CENPI: variants seen among roughly 807,000 people sequenced by gnomAD.
CENPI encodes FSH primary response 1.
Under a neutral mutation model 60.4 loss-of-function variants are expected in CENPI, and 4 were observed. The ratio of observed to expected loss-of-function variants is 0.07; its 90% CI spans 0.03 to 0.15. The LOEUF is 0.15. Ranked by LOEUF, CENPI falls within the 10% of genes least tolerant of loss-of-function variation. The probability of loss-of-function intolerance (pLI) is 1.00; values close to 1 mark genes in which losing one functional copy is unlikely to be tolerated. For missense variants in CENPI, 444 were observed against 534.5 expected (o/e 0.83, Z 1.67); for synonymous variants, 157 against 189.4 (o/e 0.83, Z 1.40).
downstream of CENPI, among the ~76,000 whole-genome samples, chrX:101,168,546 C>T (rs900263831): frequency 1.1e-4 from 12 of 111,834 alleles, no homozygotes; most frequent in Admixed American, 1.1e-3. Context: ...GCCTGGGCAA[C>T]AGAGCAAGAC....
At chrX:101,171,497 C>A in the CENPI span, among the ~76,000 whole-genome samples, 1 of 111,514 alleles carries the variant, frequency 9.0e-6, no homozygotes, top group Non-Finnish European at 1.9e-5. Context: ...AGGGCAGTGG[C>A]GCAAACACGG....
chrX:101,140,089 G>C (rs994337617), intron 15 of CENPI, among the ~76,000 whole-genome samples: 2 of 111,841 alleles, frequency 1.8e-5, no homozygotes, highest in South Asian at 7.3e-4. Context: ...GCCCGCCTCG[G>C]CCTCCCAAAG....
At position 101,161,512 on chromosome X, in the gene CENPI, T is replaced by C; in HGVS notation, c.2095-16T>C. ...TTGTTTTGCTTTGTTTTGTTTTTTG[T>C]TTGTTTGTTTTTAAGGAAAGCCCAG... On this transcript the variant is annotated splice_polypyrimidine_tract_variant and intron_variant, in intron 20 of 21. Transcript: ENST00000682095. 1.7e-6 allele frequency: 2 copies of C among 1,204,770 alleles called. No homozygotes were observed. The highest frequency in any genetic ancestry group is 2.2e-6 in the Non-Finnish European group (2 of 889,678).
intron 16 of CENPI, among the ~76,000 whole-genome samples, chrX:101,142,414 T>A (rs2089922452): frequency 8.9e-6 from 1 of 112,081 alleles, no homozygotes; most frequent in Non-Finnish European, 1.9e-5. Flanking sequence ...AAATAATTCT[T>A]TTTATTAAGT....
rs766126103 is a variant in CENPI at position 101,148,107 on chromosome X, A to G, written c.2040A>G (p.Leu680=). The G allele has an allele frequency of 5.9e-6, 7 of 1,188,802 alleles. No homozygotes were observed. In the South Asian group the frequency reaches 1.3e-4, roughly 23 times the overall value. ...KTGVAEYKNS[L]NVVHHPSFLS... ...GAGTGGCTGAATATAAAAACAGTTTAAATGTAGTCCATCATCCTTCTTTCT... is the reference window on the plus strand; with the variant it reads ...GAGTGGCTGAATATAAAAACAGTTTGAATGTAGTCCATCATCCTTCTTTCT... Residue 680 remains leucine (L), a synonymous_variant, in exon 20 of 22, where the codon TTA becomes TTG. Transcript: ENST00000682095.
chrX:101,178,671 A>G, the CENPI span, among the ~76,000 whole-genome samples: 5 of 110,905 alleles, frequency 4.5e-5, no homozygotes, highest in African/African-American at 1.3e-4. Flanking sequence ...TCGGCCTCCC[A>G]AAGTGCTGGG....
chrX:101,126,989 T>C, intron 9 of CENPI, 149 bp from the exon 10 acceptor site: 1 of 583,796 alleles, frequency 1.7e-6, no homozygotes, highest in South Asian at 4.1e-5. Flanking sequence ...ATTTAATAGA[T>C]TACTAATCAG....
chrX:101,181,476 G>A, the CENPI span, among the ~76,000 whole-genome samples: 2 of 112,008 alleles, frequency 1.8e-5, no homozygotes, highest in African/African-American at 6.5e-5. Flanking sequence ...AAACAACAAC[G>A]TTTTGTAGTT....
chrX:101,116,496 G>A (rs1305247592), intron 6 of CENPI, among the ~76,000 whole-genome samples: 1 of 111,257 alleles, frequency 9.0e-6, no homozygotes, highest in Non-Finnish European at 1.9e-5. Context: ...AGTTTGATAT[G>A]GTGGCGGGGA....
chrX:101,132,281 G>A lies in CENPI; in HGVS notation c.1379G>A (p.Ser460Asn). ...CCRSQFLQLV[S>N]WIPFSSFSEV... is the part of the protein sequence containing the mutation. ...CGGTCACAGTTCCTTCAGCTTGTGA[G>A]CTGGATTCCTTTTAGTAGCTTCTCT... Residue 460 changes from serine to asparagine, a missense_variant, in exon 14 of 22, where the codon AGC (serine) becomes AAC (asparagine). Transcript: ENST00000682095. The A allele has an allele frequency of 8.3e-7, 1 of 1,207,782 alleles. No individual in the cohort carries two copies. The highest frequency in any genetic ancestry group is 1.1e-6 in the Non-Finnish European group (1 of 892,283).
intron 2 of CENPI, among the ~76,000 whole-genome samples, chrX:101,099,324 A>C (rs2089383839): frequency 9.2e-6 from 1 of 109,258 alleles, no homozygotes; most frequent in African/African-American, 3.3e-5. Flanking sequence ...CCTACTTGGG[A>C]GGCTGAGACA....
chrX:101,146,364 C>G (rs1306574673), intron 18 of CENPI, 87 bp downstream of exon 18: 2 of 910,808 alleles, frequency 2.2e-6, no homozygotes, highest in Non-Finnish European at 3.0e-6. Context: ...TATTCCTACT[C>G]GTCTTCTGCC....
chrX:101,159,355 G>T (rs2090085045), intron 20 of CENPI, among the ~76,000 whole-genome samples: 1 of 109,305 alleles, frequency 9.1e-6, no homozygotes, highest in African/African-American at 3.3e-5. Flanking sequence ...GTAGAGAGGG[G>T]GTTTCACCGT....
chrX:101,179,914 T>C, the CENPI span, among the ~76,000 whole-genome samples: 10 of 112,235 alleles, frequency 8.9e-5, no homozygotes, highest in East Asian at 2.5e-3. Context: ...CACCAAACTT[T>C]TTCAGTGTGG....
intron 6 of CENPI, among the ~76,000 whole-genome samples, chrX:101,118,081 T>A (rs1007895773): frequency 1.2e-4 from 13 of 111,864 alleles, no homozygotes; most frequent in African/African-American, 4.2e-4. Flanking sequence ...TCATCTGGCA[T>A]GATATTGGGA....
rs756926041 is a variant in CENPI, at chrX:101,163,639, A to G, written c.*672A>G. Reference sequence around the variant, plus strand: ...TGTGTGTCTGTAGCTTCAGTTTTTAAGTGTAAGGACTAAATAAACTAACTG... The same window carrying G: ...TGTGTGTCTGTAGCTTCAGTTTTTAGGTGTAAGGACTAAATAAACTAACTG... On this transcript the variant is annotated 3_prime_UTR_variant, in exon 22 of 22. Coordinates refer to ENST00000682095, the MANE Select transcript of CENPI (RefSeq NM_001386188.2). The G allele has an allele frequency of 8.9e-6, 1 of 112,511 alleles. No homozygotes were observed. The highest frequency in any genetic ancestry group is 3.6e-4 in the South Asian group (1 of 2,742). The allele number at this position is 112,511 out of a possible 1,213,427, so 9.3% of individuals were successfully genotyped here.
chrX:101,170,407 C>T (rs182906771), downstream of CENPI, among the ~76,000 whole-genome samples: 1 of 111,396 alleles, frequency 9.0e-6, no homozygotes, highest in Non-Finnish European at 1.9e-5. Context: ...TTCAGAGATG[C>T]GGGACTACAT....
intron 21 of CENPI, among the ~76,000 whole-genome samples, chrX:101,162,467 A>ATATATATAT (rs1269101204): frequency 1.1e-5 from 1 of 89,424 alleles, no homozygotes; most frequent in African/African-American, 5.3e-5. Context: ...AAAAAAAAAA[A>ATATATATAT]AAAAAAATAT....
intron 6 of CENPI, among the ~76,000 whole-genome samples, chrX:101,110,710 T>C (rs1224980965): frequency 8.9e-6 from 1 of 112,107 alleles, no homozygotes; most frequent in African/African-American, 3.2e-5. Context: ...AAGTTTAGCA[T>C]AGGGTTTCTA....
Sources: allele counts gnomAD v4.1 joint callset (sites outside exome capture counted in the v4.1 genomes callset), GRCh38; gene constraint gnomAD v4.1.1; transcripts MANE v1.5; gene names NCBI Gene and HGNC (gene_info 2026-07-23, HGNC 2026-07-21).